Variants in CPA6 observed in about 807,000 individuals in gnomAD.
CPA6 encodes the protein carboxypeptidase A6.
CPA6 carries 58 observed loss-of-function variants against 63.3 expected under a neutral mutation model. That is an observed-to-expected ratio of 0.92 (90% CI 0.74 to 1.14). The LOEUF is 1.14. CPA6 is among the 50% of genes most tolerant of loss of function. The pLI is 0.00. For synonymous variants in CPA6, 185 were observed against 179.0 expected (o/e 1.03, Z -0.27); for missense variants, 565 against 526.6 (o/e 1.07, Z -0.71).
At chr8:67,725,006 A>C (rs1159077841) in intron 1 of CPA6, among the ~76,000 whole-genome samples, 1 of 152,224 alleles carries the variant, frequency 6.6e-6, no homozygotes, top group African/African-American at 2.4e-5. Flanking sequence ...CACAGTTGTA[A>C]TTAATCTGAG....
intron 2 of CPA6, among the ~76,000 whole-genome samples, chr8:67,615,100 C>G (rs1423070271): frequency 6.6e-6 from 1 of 152,142 alleles, no homozygotes; most frequent in East Asian, 1.9e-4. Flanking sequence ...GTGCACTTCT[C>G]TAAAAAGGGT....
chr8:67,521,668 A>G (rs1442264277), intron 2 of CPA6, among the ~76,000 whole-genome samples: 2 of 152,240 alleles, frequency 1.3e-5, no homozygotes, highest in Non-Finnish European at 1.5e-5. Context: ...ACATGGTGAG[A>G]TTGTGTCCCC....
At chr8:67,630,115 A>ATAC (rs1162226166) in intron 1 of CPA6, among the ~76,000 whole-genome samples, 1 of 133,218 alleles carries the variant, frequency 7.5e-6, no homozygotes, top group Non-Finnish European at 1.6e-5. Context: ...AATTAAAATA[A>ATAC]TAATAATAAT....
At chr8:67,442,365 G>A (rs924498780) in intron 8 of CPA6, among the ~76,000 whole-genome samples, 19 of 151,816 alleles carry the variant, frequency 1.3e-4, no homozygotes, top group African/African-American at 4.3e-4. Flanking sequence ...AATGTAATAT[G>A]TAATATAGTG....
At chr8:67,430,737 G>A (rs1168323539) in intron 9 of CPA6, among the ~76,000 whole-genome samples, 1 of 152,088 alleles carries the variant, frequency 6.6e-6, no homozygotes, top group Non-Finnish European at 1.5e-5. Flanking sequence ...TGCACTGCAG[G>A]GTGTTTAGCA....
intron 2 of CPA6, among the ~76,000 whole-genome samples, chr8:67,574,242 G>T (rs1037359615): frequency 6.6e-6 from 1 of 151,874 alleles, no homozygotes; most frequent in African/African-American, 2.4e-5. Flanking sequence ...GCTGGGCATG[G>T]TGGCACGAGA....
intron 1 of CPA6, among the ~76,000 whole-genome samples, chr8:67,710,334 T>G (rs1424589257): frequency 1.3e-5 from 2 of 151,904 alleles, no homozygotes; most frequent in East Asian, 3.9e-4. Context: ...TTAGTTAATC[T>G]CTCTTAGATC....
intron 8 of CPA6, among the ~76,000 whole-genome samples, chr8:67,462,551 A>T (rs958013344): frequency 6.6e-6 from 1 of 152,214 alleles, no homozygotes; most frequent in Non-Finnish European, 1.5e-5. Context: ...TTAATTAGTC[A>T]AAAGGCACAT....
chr8:67,607,103 TCTTTCC>T (rs1400606448), intron 2 of CPA6, among the ~76,000 whole-genome samples: 8 of 146,084 alleles, frequency 5.5e-5, no homozygotes, highest in South Asian at 2.3e-4. Context: ...TTCTTCTTCT[TCTTTCC>T]TCCTCCTCCT....
At chr8:67,446,603 A>G (rs1227340821) in intron 8 of CPA6, among the ~76,000 whole-genome samples, 1 of 152,220 alleles carries the variant, frequency 6.6e-6, no homozygotes, top group Non-Finnish European at 1.5e-5. Flanking sequence ...GTTTGACAGC[A>G]ACTGGTCCCT....
intron 8 of CPA6, among the ~76,000 whole-genome samples, chr8:67,470,319 C>T (rs1811029929): frequency 6.6e-6 from 1 of 152,098 alleles, no homozygotes; most frequent in South Asian, 2.1e-4. Context: ...TGTGAGCCAC[C>T]ACGCCCGGCC....
At chr8:67,715,974 T>C (rs1002166673) in intron 1 of CPA6, among the ~76,000 whole-genome samples, 6 of 151,816 alleles carry the variant, frequency 4.0e-5, no homozygotes, top group African/African-American at 9.7e-5. Flanking sequence ...ACCAACGTGG[T>C]GAAACCCCAT....
At chr8:67,470,732 T>C (rs1356791587) in intron 8 of CPA6, among the ~76,000 whole-genome samples, 2 of 152,224 alleles carry the variant, frequency 1.3e-5, no homozygotes, top group Non-Finnish European at 2.9e-5. Context: ...ATCTCCATTT[T>C]GGTACCTTTT....
intron 10 of CPA6, 51 bp from the exon 11 acceptor site, chr8:67,422,742 T>G (rs551029247): frequency 7.1e-7 from 1 of 1,410,382 alleles, no homozygotes; most frequent in Non-Finnish European, 9.7e-7. Flanking sequence ...AGAGTCAGTA[T>G]AATTTTCTAA....
chr8:67,488,952 C>T (rs1811545907), intron 6 of CPA6, among the ~76,000 whole-genome samples: 1 of 152,126 alleles, frequency 6.6e-6, no homozygotes, highest in Non-Finnish European at 1.5e-5. Flanking sequence ...AGATTTTGGG[C>T]TGAGACGATG....
intron 1 of CPA6, among the ~76,000 whole-genome samples, chr8:67,625,375 T>A (rs147074267): frequency 1.1e-4 from 17 of 152,324 alleles, no homozygotes; most frequent in African/African-American, 3.8e-4. Context: ...GTTCTTTCTG[T>A]AAAGGTCCTG....
chr8:67,637,503 G>A (rs1398839979), intron 1 of CPA6, among the ~76,000 whole-genome samples: 1 of 151,506 alleles, frequency 6.6e-6, no homozygotes, highest in Non-Finnish European at 1.5e-5. Flanking sequence ...TTGTATTTAA[G>A]GATGGGACTC....
chr8:67,470,378 G>A (rs982615091), intron 8 of CPA6, among the ~76,000 whole-genome samples: 4 of 151,950 alleles, frequency 2.6e-5, no homozygotes, highest in African/African-American at 7.3e-5. Flanking sequence ...CTTACGCCCC[G>A]AGAGATATAT....
intron 1 of CPA6, among the ~76,000 whole-genome samples, chr8:67,661,176 G>A (rs769885765): frequency 3.3e-5 from 5 of 152,194 alleles, no homozygotes; most frequent in Non-Finnish European, 5.9e-5. Flanking sequence ...TAGATATGGC[G>A]GTCAAGGAAG....
Sources: gnomAD v4.1 joint callset for allele counts (sites outside exome capture counted in the v4.1 genomes callset) on GRCh38, gnomAD v4.1.1 for gene constraint, MANE v1.5 for transcripts, NCBI Gene and HGNC (gene_info 2026-07-23, HGNC 2026-07-21) for gene names.